Variants in GSN observed in about 807,000 individuals in gnomAD.
GSN encodes actin-depolymerizing factor.
Under a neutral mutation model 85.7 loss-of-function variants are expected in GSN, and 56 were observed. That is an observed-to-expected ratio of 0.65 (90% CI 0.53 to 0.82). The LOEUF (loss-of-function observed/expected upper bound fraction) is 0.82. Ranked by LOEUF, GSN falls within the 40% of genes least tolerant of loss-of-function variation. The pLI is 0.00. For synonymous variants in GSN, 373 were observed against 399.1 expected, an observed-to-expected ratio of 0.93 and a Z score of 0.78; for missense variants, 857 against 979.8, an observed-to-expected ratio of 0.87 and a Z score of 1.67.
rs572295767 is a variant in GSN, at chr9:121,229,166, G to C, written c.-527-1999G>C. Among the ~76,000 whole-genome samples, 227 of 152,162 alleles carry C rather than the reference G, an allele frequency of 1.5e-3. 2 individuals carry two copies. Among genetic ancestry groups the C allele is most frequent in the African/African-American group, 5.3e-3 (219 of 41,502 alleles). ...TAACTCTCAAGTCTCCATTAACCTGGAACAGTTCCCTCCCCCTACTTTGTC... is the reference window on the plus strand; with the variant it reads ...TAACTCTCAAGTCTCCATTAACCTGCAACAGTTCCCTCCCCCTACTTTGTC... On this transcript the variant is annotated intron_variant, in intron 4 of 24. Transcript: ENST00000373823.
chr9:121,269,023 C>G (rs748728323), intron 1 of GSN, among the ~76,000 whole-genome samples: 1 of 152,202 alleles, frequency 6.6e-6, no homozygotes. Context: ...CTTCCTAGCT[C>G]CTTGTCTGCC....
At chr9:121,213,964 C>G (rs2054011929) in intron 4 of GSN, among the ~76,000 whole-genome samples, 1 of 152,220 alleles carries the variant, frequency 6.6e-6, no homozygotes, top group Non-Finnish European at 1.5e-5. Context: ...CAGACAAAAG[C>G]ACAGACTGCT....
chr9:121,241,107 G>A (rs1290257798), intron 5 of GSN, among the ~76,000 whole-genome samples: 1 of 152,150 alleles, frequency 6.6e-6, no homozygotes, highest in Non-Finnish European at 1.5e-5. Flanking sequence ...TAGAAAGAAA[G>A]CATAAAAGAA....
At chr9:121,202,464 A>G in the GSN span, among the ~76,000 whole-genome samples, 31 of 152,178 alleles carry the variant, frequency 2.0e-4, 1 homozygote, top group South Asian at 6.4e-3. Flanking sequence ...CTAGGAAGTG[A>G]CCCTGCATTT....
intron 2 of GSN, chr9:121,286,608 C>T: frequency 6.6e-7 from 1 of 1,511,272 alleles, no homozygotes; most frequent in South Asian, 1.3e-5. Flanking sequence ...CCAGGGCCCA[C>T]AACTGCTTGA....
chr9:121,326,462 C>A (rs140173589), intron 12 of GSN, 50 bp from the exon 13 acceptor site: 19,694 of 1,508,932 alleles, frequency 0.013, 222 homozygotes, highest in South Asian at 0.04. Flanking sequence ...CATAGAAGGA[C>A]TGAAGCCTGC....
At chr9:121,320,415 C>T (rs986359132) in intron 10 of GSN, among the ~76,000 whole-genome samples, 4 of 152,110 alleles carry the variant, frequency 2.6e-5, no homozygotes, top group East Asian at 1.9e-4. Context: ...GTGGCCGAGG[C>T]GGGTGGATCA....
At chr9:121,213,477 G>A (rs1410337729) in intron 4 of GSN, among the ~76,000 whole-genome samples, 2 of 152,176 alleles carry the variant, frequency 1.3e-5, no homozygotes, top group East Asian at 3.9e-4. Flanking sequence ...TGTTGCTCAG[G>A]CACACCTGGT....
In GSN at chr9:121,249,827, A is replaced by C. The variant is rs865859507; in HGVS notation, c.-341+1504A>C. On this transcript the variant is annotated intron_variant, in intron 6 of 24. Transcript: ENST00000373823. ...CAGAGTCCTTCTCTGTGTTCTTGAA[A>C]TTAGGGAAAGAAAATGGCTGCTGCT... 3.2e-4 allele frequency among the ~76,000 whole-genome samples: 49 copies of C among 152,344 alleles called. 1 individual carries two copies. Among genetic ancestry groups the C allele is most frequent in the African/African-American group, 9.1e-4 (38 of 41,574 alleles).
intron 2 of GSN, among the ~76,000 whole-genome samples, chr9:121,298,783 CTG>C (rs2059456283): frequency 6.6e-6 from 1 of 152,122 alleles, no homozygotes; most frequent in Admixed American, 6.5e-5. Context: ...CAGTTGGATT[CTG>C]TGCAGTGCTA....
chr9:121,209,381 C>T (rs1262146134), exon 2 of GSN: 4 of 151,630 alleles, frequency 2.6e-5, no homozygotes, highest in Admixed American at 2.6e-4. Context: ...AAAGGAGATT[C>T]CCTTCTACCA....
chr9:121,208,468 G>A (rs10465140), intron 1 of GSN, among the ~76,000 whole-genome samples: 12,307 of 152,220 alleles, frequency 0.081, 1,173 homozygotes, highest in African/African-American at 0.22. Flanking sequence ...ATGGAAGTCT[G>A]GGTAAGTAGT....
intron 5 of GSN, among the ~76,000 whole-genome samples, chr9:121,243,718 C>T (rs772537421): frequency 6.6e-6 from 1 of 152,162 alleles, no homozygotes; most frequent in Non-Finnish European, 1.5e-5. Context: ...GCTGGGATTA[C>T]AGGTGTGCAC....
chr9:121,314,020 C>A lies in GSN; in HGVS notation c.750C>A (p.Tyr250Ter). 6.2e-7 allele frequency: 1 copy of A among 1,611,824 alleles called. No individual in the cohort carries two copies. Among genetic ancestry groups the A allele is most frequent in the Non-Finnish European group, 8.5e-7 (1 of 1,177,832 alleles). The change falls in exon 7 of 18, where the codon TAC becomes TAA. Residue 250 changes from tyrosine to a stop codon, truncating the protein, a stop_gained. Coordinates refer to ENST00000432226, the MANE Select transcript of GSN (RefSeq NM_198252.3). LOFTEE classifies it high-confidence loss of function. Reference protein sequence around the residue: ...DAANRKLAKLYKVSNGAGTMS... With the variant: ...DAANRKLAKL The stretch of plus-strand genomic sequence containing the variant: ...CCAACCGCAAGCTGGCCAAGCTCTA[C>A]AAGGTGAGCACCAGATGCACTGTCT...
chr9:121,202,213 A>G, the GSN span, among the ~76,000 whole-genome samples: 1 of 152,228 alleles, frequency 6.6e-6, no homozygotes, highest in Admixed American at 6.5e-5. Context: ...GAGACTTTTG[A>G]ACAATTTTTA....
In GSN at chr9:121,261,605, C is replaced by A. The variant is rs752203019; in HGVS notation, c.-340-3549C>A. Among the ~76,000 whole-genome samples, 1 of 152,218 alleles carries A rather than the reference C, an allele frequency of 6.6e-6. No individual in the cohort carries two copies. Among genetic ancestry groups the A allele is most frequent in the African/African-American group, 2.4e-5 (1 of 41,446 alleles). On this transcript the variant is annotated intron_variant, in intron 6 of 24. Coordinates refer to the GSN transcript ENST00000373823. This position sits in a 1 kb window ranked among gnomAD's most constrained non-coding sequence, Gnocchi z 4.1. ...GCTTTGGAGGAGATAATGCCCAGAG[C>A]AGGCATCCATGAATATGGTTTCCTC...
chr9:121,329,964 C>T lies in GSN; in HGVS notation c.1965+649C>T, dbSNP rs1170103473. ...CACCTTTCCTATCAAGGTGGCTTCT[C>T]CCAGAGTCCTCAGAGTTACGGAGCA... On this transcript the variant is annotated intron_variant, in intron 16 of 17. Transcript: ENST00000432226. This position sits in a 1 kb window ranked among gnomAD's most constrained non-coding sequence, Gnocchi z 4.6. Among the ~76,000 whole-genome samples, 2 of 152,198 alleles carry T rather than the reference C, an allele frequency of 1.3e-5. No individual in the cohort carries two copies. The highest frequency in any genetic ancestry group is 1.5e-5 in the Non-Finnish European group (1 of 68,038).
rs145946887 is a variant in GSN at position 121,262,310 on chromosome 9, A to C, written c.-340-2844A>C. Reference sequence around the variant, plus strand: ...CAAATCCCAGCTCTACCACTCACCTAGCTGTGGAAGCTTAAGCAGATTACT... The same window carrying C: ...CAAATCCCAGCTCTACCACTCACCTCGCTGTGGAAGCTTAAGCAGATTACT... On this transcript the variant is annotated intron_variant, in intron 6 of 24. Transcript: ENST00000373823. Among the ~76,000 whole-genome samples the C allele has an allele frequency of 3.9e-5, 6 of 152,316 alleles. No homozygotes were observed. The East Asian group carries it at 7.7e-4, about 20-fold the overall frequency.
chr9:121,205,285 G>A (rs1170806295), upstream of GSN, among the ~76,000 whole-genome samples: 1 of 152,198 alleles, frequency 6.6e-6, no homozygotes, highest in African/African-American at 2.4e-5. Context: ...TAATGTCATG[G>A]AAAGAGACGC....
Sources: allele counts gnomAD v4.1 joint callset (sites outside exome capture counted in the v4.1 genomes callset), GRCh38; gene constraint gnomAD v4.1.1; non-coding constraint Gnocchi (gnomAD v3.1); transcripts MANE v1.5; gene names NCBI Gene and HGNC (gene_info 2026-07-23, HGNC 2026-07-21).